The following ZC3H12C variants were observed in gnomAD, a reference collection of about 807,000 sequenced individuals.
ZC3H12C encodes the protein probable ribonuclease ZC3H12C.
A neutral mutation model predicts 76.3 loss-of-function variants in ZC3H12C; 20 were observed. The ratio of observed to expected loss-of-function variants is 0.26; its 90% CI spans 0.18 to 0.38. The LOEUF (loss-of-function observed/expected upper bound fraction) is 0.38. Ranked by LOEUF, ZC3H12C falls within the 10% of genes least tolerant of loss-of-function variation. The pLI is 1.00. For synonymous variants in ZC3H12C, 352 were observed against 399.6 expected, an observed-to-expected ratio of 0.88 and a Z score of 1.42; for missense variants, 874 against 1,086.5, an observed-to-expected ratio of 0.80 and a Z score of 2.75.
intron 1 of ZC3H12C, among the ~76,000 whole-genome samples, chr11:110,096,204 T>A (rs547561201): frequency 6.6e-6 from 1 of 152,344 alleles, no homozygotes; most frequent in South Asian, 2.1e-4. Flanking sequence ...GAAAGATCTA[T>A]TTCACCCCAG....
chr11:110,094,189 TTTGG>T (rs1861070247), intron 1 of ZC3H12C, among the ~76,000 whole-genome samples: 1 of 152,224 alleles, frequency 6.6e-6, no homozygotes, highest in East Asian at 1.9e-4. Context: ...GTTCTTGCCA[TTTGG>T]TTATCCGTTA....
At chr11:110,098,296 AAAG>A (rs1861150334) in intron 1 of ZC3H12C, among the ~76,000 whole-genome samples, 1 of 152,224 alleles carries the variant, frequency 6.6e-6, no homozygotes, top group Non-Finnish European at 1.5e-5. Context: ...GGATATAAAG[AAAG>A]AAGATATTTT....
intron 1 of ZC3H12C, among the ~76,000 whole-genome samples, chr11:110,124,748 C>T (rs631719): frequency 0.35 from 52,818 of 151,878 alleles, 10,239 homozygotes; most frequent in East Asian, 0.65. Context: ...GAGGAGGCCC[C>T]GTTTGTAGAT....
intron 1 of ZC3H12C, among the ~76,000 whole-genome samples, chr11:110,105,689 C>A (rs962555458): frequency 1.3e-5 from 2 of 151,892 alleles, no homozygotes; most frequent in Non-Finnish European, 2.9e-5. Context: ...TAAACACATT[C>A]TTTTTTAAAA....
At chr11:110,104,697 C>A (rs1321704213) in intron 1 of ZC3H12C, among the ~76,000 whole-genome samples, 1 of 152,174 alleles carries the variant, frequency 6.6e-6, no homozygotes, top group Non-Finnish European at 1.5e-5. Context: ...GCGAGAATCT[C>A]AATTTATCTT....
Position 110,136,964 on chromosome 11 carries a change from T to C in ZC3H12C, c.323T>C (p.Val108Ala), listed in dbSNP as rs770972496. The C allele has an allele frequency of 6.8e-6, 11 of 1,613,602 alleles. No individual in the cohort carries two copies. The highest frequency in any genetic ancestry group is 9.3e-6 in the Non-Finnish European group (11 of 1,179,838). The change falls in exon 2 of 6, where the codon GTA becomes GCA. Residue 108 changes from valine (V) to alanine (A), a missense_variant. Val to Ala is a moderately conservative substitution (Grantham distance 64). Coordinates refer to ENST00000278590, the MANE Select transcript of ZC3H12C (RefSeq NM_033390.2). ...TCAGAACAATTGGGTAGCATTTCAGTAGAGCCAGGCTTGATAACTAAGACT... is the reference window on the plus strand; with the variant it reads ...TCAGAACAATTGGGTAGCATTTCAGCAGAGCCAGGCTTGATAACTAAGACT... ...HESEQLGSIS[V>A]EPGLITKTHR...
At chr11:110,154,367 C>T (rs1862334697) in intron 3 of ZC3H12C, among the ~76,000 whole-genome samples, 1 of 76,278 alleles carries the variant, frequency 1.3e-5, no homozygotes, top group African/African-American at 3.7e-5. Context: ...GAGACCCCAT[C>T]TCAAAAAAAA....
intron 1 of ZC3H12C, among the ~76,000 whole-genome samples, chr11:110,106,388 G>A (rs1033543146): frequency 3.9e-5 from 6 of 152,156 alleles, no homozygotes; most frequent in African/African-American, 1.4e-4. Flanking sequence ...GCCTATTTAC[G>A]TTCATTTGAT....
At chr11:110,108,749 AT>A (rs1861376942) in intron 1 of ZC3H12C, among the ~76,000 whole-genome samples, 1 of 152,180 alleles carries the variant, frequency 6.6e-6, no homozygotes, top group South Asian at 2.1e-4. Context: ...CTCCACTTGG[AT>A]AGCTATTGGT....
chr11:110,096,169 A>G (rs1211562939), intron 1 of ZC3H12C, among the ~76,000 whole-genome samples: 1 of 152,220 alleles, frequency 6.6e-6, no homozygotes, highest in Non-Finnish European at 1.5e-5. Context: ...AGAAAGGATG[A>G]TCAATCAAGA....
intron 3 of ZC3H12C, among the ~76,000 whole-genome samples, chr11:110,155,833 C>A (rs1243010833): frequency 6.6e-6 from 1 of 152,078 alleles, no homozygotes; most frequent in Non-Finnish European, 1.5e-5. Context: ...GTTTTTATTT[C>A]TGCCTGCTTC....
rs1862585253 is a variant in ZC3H12C at position 110,166,379 on chromosome 11, C to T, written c.*642C>T. ...TATTAGAATGATTTACAATATGGCA[C>T]TTTTCGATGTGTTATTTTTGTTTGG... On this transcript the variant is annotated 3_prime_UTR_variant, in exon 6 of 6. Coordinates refer to ENST00000278590, the MANE Select transcript of ZC3H12C (RefSeq NM_033390.2). 6.6e-6 allele frequency: 1 copy of T among 151,920 alleles called. No homozygotes were observed. Among genetic ancestry groups the T allele is most frequent in the African/African-American group, 2.4e-5 (1 of 41,328 alleles). The allele number at this position is 151,920 out of a possible 1,614,324, so 9.4% of individuals were successfully genotyped here.
At chr11:110,108,911 T>A (rs1418072865) in intron 1 of ZC3H12C, among the ~76,000 whole-genome samples, 1 of 152,234 alleles carries the variant, frequency 6.6e-6, no homozygotes, top group Non-Finnish European at 1.5e-5. Context: ...GAATCCAGTT[T>A]AAGAGCTGTT....
chr11:110,165,925 T>C lies in ZC3H12C; in HGVS notation c.*188T>C. 1 of 614,608 alleles carries C rather than the reference T, an allele frequency of 1.6e-6. No individual in the cohort carries two copies. Among genetic ancestry groups the C allele is most frequent in the Non-Finnish European group, 2.6e-6 (1 of 381,008 alleles). The allele number at this position is 614,608 out of a possible 1,614,324, so 38.1% of individuals were successfully genotyped here. The stretch of plus-strand genomic sequence containing the variant: ...TGGTGGAAGTATCACGGGATTGCTT[T>C]ACATTTAAACTTTTTTTTTTTAACA... On this transcript the variant is annotated 3_prime_UTR_variant, in exon 6 of 6. Transcript: ENST00000278590.
At chr11:110,129,045 G>A (rs1861811899) in intron 1 of ZC3H12C, among the ~76,000 whole-genome samples, 1 of 152,098 alleles carries the variant, frequency 6.6e-6, no homozygotes, top group African/African-American at 2.4e-5. Context: ...TCTTTGATGG[G>A]TTTATGAAAT....
chr11:110,124,391 A>G (rs925472514), intron 1 of ZC3H12C: 1 of 152,100 alleles, frequency 6.6e-6, no homozygotes, highest in African/African-American at 2.4e-5. Context: ...AAGATCTTCT[A>G]GAGATCAGCA....
At chr11:110,116,835 T>A (rs1035697279) in intron 1 of ZC3H12C, among the ~76,000 whole-genome samples, 4 of 152,222 alleles carry the variant, frequency 2.6e-5, no homozygotes, top group African/African-American at 7.2e-5. Context: ...TTAAGTAACT[T>A]GTGCAGGTTG....
intron 1 of ZC3H12C, among the ~76,000 whole-genome samples, chr11:110,128,942 TC>T (rs1861809757): frequency 6.8e-6 from 1 of 147,512 alleles, no homozygotes; most frequent in Non-Finnish European, 1.5e-5. Context: ...TTCTGGGACA[TC>T]CATTTGCTTA....
chr11:110,159,407 C>T lies in ZC3H12C; in HGVS notation c.1065C>T (p.Asn355=). Residue 355 remains asparagine (N), a synonymous_variant, in exon 4 of 6, where the codon AAC becomes AAT. Coordinates refer to ENST00000278590, the MANE Select transcript of ZC3H12C (RefSeq NM_033390.2). Reference sequence around the variant, plus strand: ...ACGGTATCATTGTGTCCAATGATAACTACAGGGACTTGGCTAATGAGAAGC... The same window carrying T: ...ACGGTATCATTGTGTCCAATGATAATTACAGGGACTTGGCTAATGAGAAGC... ...ESDGIIVSND[N]YRDLANEKPE... is the part of the protein sequence containing the mutation. 1.2e-6 allele frequency: 2 copies of T among 1,613,898 alleles called. No homozygotes were observed. Among genetic ancestry groups the T allele is most frequent in the Non-Finnish European group, 1.7e-6 (2 of 1,179,898 alleles).
Sources: gnomAD v4.1 joint callset for allele counts (sites outside exome capture counted in the v4.1 genomes callset) on GRCh38, gnomAD v4.1.1 for gene constraint, MANE v1.5 for transcripts, NCBI Gene and HGNC (gene_info 2026-07-23, HGNC 2026-07-21) for gene names.